The following CADPS2 variants were observed in gnomAD, a reference collection of about 807,000 sequenced individuals.
CADPS2 encodes the protein calcium-dependent secretion activator 2.
CADPS2 carries 93 observed loss-of-function variants against 172.5 expected under a neutral mutation model. That is an observed-to-expected ratio of 0.54 (90% CI 0.46 to 0.64). The LOEUF is 0.64. Ranked by LOEUF, CADPS2 falls within the 30% of genes least tolerant of loss-of-function variation. CADPS2 has a pLI of 0.00. For synonymous variants in CADPS2, 546 were observed against 555.2 expected (o/e 0.98, Z 0.23); for missense variants, 1,420 against 1,565.9 (o/e 0.91, Z 1.57).
At chr7:122,546,323 G>A (rs542478452) in intron 8 of CADPS2, among the ~76,000 whole-genome samples, 19 of 152,234 alleles carry the variant, frequency 1.2e-4, no homozygotes, top group African/African-American at 4.6e-4. Flanking sequence ...CCCCATTCAA[G>A]TAAGTTCTAG....
At chr7:122,500,894 T>C (rs1302862321) in intron 9 of CADPS2, among the ~76,000 whole-genome samples, 7 of 152,156 alleles carry the variant, frequency 4.6e-5, no homozygotes, top group Admixed American at 4.6e-4. Context: ...TATTGTGAAC[T>C]GAAAACTAGT....
chr7:122,809,916 A>G (rs1171150966), intron 1 of CADPS2, among the ~76,000 whole-genome samples: 3 of 152,192 alleles, frequency 2.0e-5, no homozygotes, highest in African/African-American at 7.2e-5. Flanking sequence ...AGTCATTCAA[A>G]GGTACTAATG....
At chr7:122,388,845 A>G in intron 22 of CADPS2, 107 bp from the exon 23 acceptor site, 3 of 1,028,884 alleles carry the variant, frequency 2.9e-6, no homozygotes, top group Non-Finnish European at 2.7e-6. Flanking sequence ...TGAAAAAAAT[A>G]CCATATAAAG....
chr7:122,364,865 A>C (rs1397401925), intron 25 of CADPS2, among the ~76,000 whole-genome samples: 1 of 152,202 alleles, frequency 6.6e-6, no homozygotes, highest in Non-Finnish European at 1.5e-5. Flanking sequence ...AGACATGAAC[A>C]TAACTGCACA....
intron 19 of CADPS2, among the ~76,000 whole-genome samples, chr7:122,411,085 ATC>A (rs372300012): frequency 1.3e-5 from 2 of 151,704 alleles, no homozygotes; most frequent in Non-Finnish European, 2.9e-5. Flanking sequence ...ACTGCCTATC[ATC>A]TCTCTCTCTC....
chr7:122,633,950 G>A (rs2076814537), intron 3 of CADPS2, among the ~76,000 whole-genome samples: 1 of 152,100 alleles, frequency 6.6e-6, no homozygotes. Flanking sequence ...AGATTACATG[G>A]TTTTTAATTT....
chr7:122,796,231 C>T (rs1160189870), intron 1 of CADPS2, among the ~76,000 whole-genome samples: 1 of 152,156 alleles, frequency 6.6e-6, no homozygotes, highest in Non-Finnish European at 1.5e-5. Flanking sequence ...AATAGGAAAA[C>T]ATTCCATGCT....
At chr7:122,873,446 T>C (rs954035526) in intron 1 of CADPS2, among the ~76,000 whole-genome samples, 2 of 152,160 alleles carry the variant, frequency 1.3e-5, no homozygotes, top group African/African-American at 2.4e-5. Flanking sequence ...CTGTGTTAGT[T>C]TGCTGAGGAT....
chr7:122,587,739 T>G (rs1305779340), intron 6 of CADPS2, among the ~76,000 whole-genome samples: 2 of 152,122 alleles, frequency 1.3e-5, no homozygotes, highest in Non-Finnish European at 1.5e-5. Context: ...TTCCTTTGGG[T>G]ATATAACCAG....
intron 6 of CADPS2, among the ~76,000 whole-genome samples, chr7:122,589,479 CG>C (rs1179571688): frequency 1.3e-5 from 2 of 151,814 alleles, no homozygotes; most frequent in Non-Finnish European, 2.9e-5. Flanking sequence ...ACAATACTTA[CG>C]GAAGAGCAGC....
intron 16 of CADPS2, among the ~76,000 whole-genome samples, chr7:122,439,915 C>T (rs533154424): frequency 1.3e-5 from 2 of 152,108 alleles, no homozygotes; most frequent in Non-Finnish European, 2.9e-5. Flanking sequence ...ATGTATATGT[C>T]TCCCAGGTAA....
intron 6 of CADPS2, among the ~76,000 whole-genome samples, chr7:122,602,804 G>A (rs1344730026): frequency 1.3e-5 from 2 of 152,048 alleles, no homozygotes; most frequent in African/African-American, 2.4e-5. Context: ...TGAAAGAATA[G>A]CAATAATATA....
At chr7:122,629,212 G>A in intron 4 of CADPS2, 36 bp downstream of exon 4, 1 of 1,492,822 alleles carries the variant, frequency 6.7e-7, no homozygotes, top group East Asian at 2.3e-5. Context: ...GGTAAAGAAA[G>A]GAATGTCATA....
At chr7:122,320,790 T>A (rs944920252) in intron 29 of CADPS2, among the ~76,000 whole-genome samples, 4 of 152,188 alleles carry the variant, frequency 2.6e-5, no homozygotes, top group Non-Finnish European at 4.4e-5. Flanking sequence ...AGAAGATTAA[T>A]CCTATTATCG....
At chr7:122,747,136 G>T (rs942399830) in intron 1 of CADPS2, among the ~76,000 whole-genome samples, 1 of 152,084 alleles carries the variant, frequency 6.6e-6, no homozygotes, top group Non-Finnish European at 1.5e-5. Context: ...TGGAGGCAGA[G>T]AGTTGAAGAG....
intron 4 of CADPS2, among the ~76,000 whole-genome samples, chr7:122,627,991 T>C (rs2076239117): frequency 6.6e-6 from 1 of 152,104 alleles, no homozygotes; most frequent in Admixed American, 6.6e-5. Context: ...AAATAAGGCA[T>C]GCTATCCTTT....
chr7:122,838,254 A>G (rs1195750417), intron 1 of CADPS2, among the ~76,000 whole-genome samples: 2 of 152,238 alleles, frequency 1.3e-5, no homozygotes, highest in Admixed American at 6.5e-5. Flanking sequence ...AACTCTCAAT[A>G]AATTCGGCAT....
intron 2 of CADPS2, among the ~76,000 whole-genome samples, chr7:122,699,760 C>A (rs2085731517): frequency 6.6e-6 from 1 of 152,098 alleles, no homozygotes; most frequent in South Asian, 2.1e-4. Flanking sequence ...AAGCTAATTT[C>A]TCTGCAGACT....
chr7:122,381,700 C>T (rs1340082523), intron 24 of CADPS2, among the ~76,000 whole-genome samples: 1 of 151,942 alleles, frequency 6.6e-6, no homozygotes, highest in Non-Finnish European at 1.5e-5. Context: ...TAGATTGTTG[C>T]TTGCTTTGAT....
Sources: gnomAD v4.1 joint callset for allele counts (sites outside exome capture counted in the v4.1 genomes callset) on GRCh38, gnomAD v4.1.1 for gene constraint, MANE v1.5 for transcripts, NCBI Gene and HGNC (gene_info 2026-07-23, HGNC 2026-07-21) for gene names.